Variants in SLC35G2 observed in about 807,000 individuals in gnomAD.
The protein encoded by SLC35G2 is solute carrier family 35 member G2, also known as transmembrane protein 22.
Under a neutral mutation model 27.2 loss-of-function variants are expected in SLC35G2, and 20 were observed. The ratio of observed to expected loss-of-function variants is 0.74; its 90% CI spans 0.52 to 1.07. SLC35G2 has a LOEUF of 1.07. Ranked by LOEUF, SLC35G2 falls within the 50% of genes least tolerant of loss-of-function variation. The probability of loss-of-function intolerance (pLI) is 0.00; values close to 1 mark genes in which losing one functional copy is unlikely to be tolerated. For missense variants in SLC35G2, 416 were observed against 493.3 expected, an observed-to-expected ratio of 0.84 and a Z score of 1.48; for synonymous variants, 148 against 165.3, an observed-to-expected ratio of 0.90 and a Z score of 0.80.
At chr3:136,819,911 A>G (rs1005229197) in intron 1 of SLC35G2, 1 of 152,218 alleles carries the variant, frequency 6.6e-6, no homozygotes, top group Non-Finnish European at 1.5e-5. Context: ...CACAGCCTCC[A>G]GCAGCCACGG....
intron 1 of SLC35G2, among the ~76,000 whole-genome samples, chr3:136,830,299 T>C (rs1220205895): frequency 2.0e-5 from 3 of 151,266 alleles, no homozygotes; most frequent in Admixed American, 6.6e-5. Flanking sequence ...ATTATTTTTT[T>C]TGAGACAGAG....
At chr3:136,823,942 G>A (rs868742262) in intron 1 of SLC35G2, among the ~76,000 whole-genome samples, 2 of 152,022 alleles carry the variant, frequency 1.3e-5, no homozygotes, top group Non-Finnish European at 2.9e-5. Context: ...TCTGCATATG[G>A]ATGTTGTTTT....
chr3:136,820,376 C>G (rs959826469), intron 1 of SLC35G2: 3 of 152,286 alleles, frequency 2.0e-5, no homozygotes, highest in African/African-American at 7.2e-5. Context: ...CCCTTCTACT[C>G]TGCACCTTTG....
chr3:136,822,000 A>C (rs1292341410), intron 1 of SLC35G2, among the ~76,000 whole-genome samples: 2 of 152,078 alleles, frequency 1.3e-5, no homozygotes, highest in South Asian at 4.1e-4. Flanking sequence ...GTATATATAT[A>C]TTTACGGGGT....
intron 1 of SLC35G2, among the ~76,000 whole-genome samples, chr3:136,853,096 TTTG>T (rs1227313377): frequency 6.6e-6 from 1 of 151,998 alleles, no homozygotes; most frequent in African/African-American, 2.4e-5. Context: ...GGACATCGTT[TTTG>T]TTTTGTTTTG....
At chr3:136,839,701 C>T (rs1006211893) in intron 1 of SLC35G2, among the ~76,000 whole-genome samples, 1 of 152,160 alleles carries the variant, frequency 6.6e-6, no homozygotes, top group Non-Finnish European at 1.5e-5. Flanking sequence ...TTTTCTCAAT[C>T]TTTTCCCTCC....
chr3:136,845,689 A>G (rs1305469925), intron 1 of SLC35G2, among the ~76,000 whole-genome samples: 1 of 150,690 alleles, frequency 6.6e-6, no homozygotes, highest in African/African-American at 2.4e-5. Context: ...TCCGCCTCCC[A>G]GGTTCAGGCA....
At chr3:136,842,867 A>T (rs1425825337) in intron 1 of SLC35G2, 1 of 152,252 alleles carries the variant, frequency 6.6e-6, no homozygotes, top group Non-Finnish European at 1.5e-5. Context: ...GGAGGAGTGG[A>T]CATGGCAGCT....
chr3:136,839,022 C>G (rs528381984), intron 1 of SLC35G2: 1 of 152,122 alleles, frequency 6.6e-6, no homozygotes, highest in South Asian at 2.1e-4. Flanking sequence ...TCCTGCTTCT[C>G]CCCCTTCTAG....
intron 1 of SLC35G2, among the ~76,000 whole-genome samples, chr3:136,837,127 G>A (rs945590373): frequency 3.3e-5 from 5 of 150,994 alleles, no homozygotes; most frequent in Admixed American, 3.3e-4. Flanking sequence ...ATACTAGTAT[G>A]TATCTACACA....
At chr3:136,823,746 C>T (rs577441798) in intron 1 of SLC35G2, among the ~76,000 whole-genome samples, 1 of 146,340 alleles carries the variant, frequency 6.8e-6, no homozygotes, top group South Asian at 2.2e-4. Context: ...CAGGCGCGCG[C>T]CACCACACCT....
chr3:136,826,573 C>T (rs116247328), intron 1 of SLC35G2, among the ~76,000 whole-genome samples: 4,787 of 152,036 alleles, frequency 0.031, 84 homozygotes, highest in Non-Finnish European at 0.048. Context: ...TCATAGTAGC[C>T]GCAAATGATC....
intron 1 of SLC35G2, among the ~76,000 whole-genome samples, chr3:136,836,476 C>G (rs543393241): frequency 1.4e-4 from 22 of 152,270 alleles, no homozygotes; most frequent in South Asian, 1.2e-3. Flanking sequence ...AGCAGAAATT[C>G]AAACCTCAGT....
intron 1 of SLC35G2, among the ~76,000 whole-genome samples, chr3:136,850,731 C>T (rs1012944435): frequency 1.3e-5 from 2 of 151,606 alleles, no homozygotes; most frequent in East Asian, 1.9e-4. Flanking sequence ...TGGTGGCTCA[C>T]GCCTGTAATC....
chr3:136,831,460 T>C (rs1163833324), intron 1 of SLC35G2, among the ~76,000 whole-genome samples: 1 of 152,216 alleles, frequency 6.6e-6, no homozygotes, highest in African/African-American at 2.4e-5. Flanking sequence ...TAATGCCTTT[T>C]CTTGGAGTGG....
chr3:136,826,490 T>C (rs1485379248), intron 1 of SLC35G2, among the ~76,000 whole-genome samples: 1 of 152,214 alleles, frequency 6.6e-6, no homozygotes. Flanking sequence ...CATGGATCAA[T>C]CTTGGTGTTT....
intron 1 of SLC35G2, among the ~76,000 whole-genome samples, chr3:136,840,955 G>T (rs1937067908): frequency 7.1e-6 from 1 of 140,208 alleles, no homozygotes; most frequent in Admixed American, 7.6e-5. Flanking sequence ...TTTTGAGATA[G>T]GGTCTCACTC....
chr3:136,843,167 C>T (rs913117248), intron 1 of SLC35G2: 1 of 150,968 alleles, frequency 6.6e-6, no homozygotes, highest in Non-Finnish European at 1.5e-5. Flanking sequence ...ACTAAAAATA[C>T]AAAAAATTAG....
In SLC35G2 at chr3:136,854,685, A is replaced by C; in HGVS notation, c.225A>C (p.Leu75=). ...CTTTCTTTGGAACCATGGATACCCT[A>C]CCTCCACCAACAGAAGACCCAATGA... The part of the protein sequence containing the change: ...GRAFFGTMDT[L]PPPTEDPMIN... Residue 75 remains leucine (L), a synonymous_variant, in exon 2 of 2, where the codon CTA becomes CTC. Transcript: ENST00000446465. 1.9e-6 allele frequency: 3 copies of C among 1,614,148 alleles called. No individual in the cohort carries two copies. Among genetic ancestry groups the C allele is most frequent in the Non-Finnish European group, 2.5e-6 (3 of 1,180,014 alleles).
Sources: gnomAD v4.1 joint callset for allele counts (sites outside exome capture counted in the v4.1 genomes callset) on GRCh38, gnomAD v4.1.1 for gene constraint, MANE v1.5 for transcripts, NCBI Gene and HGNC (gene_info 2026-07-23, HGNC 2026-07-21) for gene names.